The following CFAP299 variants were observed in gnomAD, a reference collection of about 807,000 sequenced individuals.
The protein encoded by CFAP299 is cilia and flagella associated protein 299.
CFAP299 carries 21 observed loss-of-function variants against 27.0 expected under a neutral mutation model. The observed-to-expected ratio is 0.78, with a 90% CI of 0.55 to 1.12. The LOEUF is 1.12. CFAP299 is among the 50% of genes most tolerant of loss of function. CFAP299 has a pLI of 0.00. For synonymous variants in CFAP299, 104 were observed against 98.1 expected (o/e 1.06, Z -0.36); for missense variants, 310 against 276.6 (o/e 1.12, Z -0.86).
chr4:80,762,444 G>A (rs761467431), intron 3 of CFAP299, among the ~76,000 whole-genome samples: 2 of 152,094 alleles, frequency 1.3e-5, no homozygotes, highest in Non-Finnish European at 2.9e-5. Flanking sequence ...AAATTGTAAA[G>A]TGGAACTAGA....
intron 3 of CFAP299, among the ~76,000 whole-genome samples, chr4:80,856,326 G>T (rs1006378896): frequency 2.0e-4 from 30 of 146,424 alleles, no homozygotes; most frequent in African/African-American, 7.8e-4. Flanking sequence ...TGAGTAGGTT[G>T]CGAAAATTTT....
chr4:80,524,319 G>A (rs1578552563), intron 2 of CFAP299, among the ~76,000 whole-genome samples: 1 of 151,930 alleles, frequency 6.6e-6, no homozygotes, highest in South Asian at 2.1e-4. Flanking sequence ...AAATTAAGGG[G>A]TTTATGTAAC....
At chr4:80,614,941 A>G (rs938629901) in intron 3 of CFAP299, among the ~76,000 whole-genome samples, 4 of 108,860 alleles carry the variant, frequency 3.7e-5, no homozygotes, top group African/African-American at 1.1e-4. Flanking sequence ...ATATTTAATT[A>G]TAGCTCCTGG....
intron 3 of CFAP299, among the ~76,000 whole-genome samples, chr4:80,717,347 G>A (rs1357201580): frequency 6.6e-6 from 1 of 152,052 alleles, no homozygotes; most frequent in Non-Finnish European, 1.5e-5. Flanking sequence ...TAAGAGAAGA[G>A]AACCAGAACG....
intron 2 of CFAP299, among the ~76,000 whole-genome samples, chr4:80,518,633 G>T (rs1268836633): frequency 6.6e-6 from 1 of 152,078 alleles, no homozygotes; most frequent in Non-Finnish European, 1.5e-5. Context: ...AATTACAGAA[G>T]AGTATGGAAA....
At chr4:80,508,342 T>C (rs971884215) in intron 2 of CFAP299, among the ~76,000 whole-genome samples, 1 of 152,170 alleles carries the variant, frequency 6.6e-6, no homozygotes, top group Non-Finnish European at 1.5e-5. Context: ...AGTTTTCTCT[T>C]TTTTTCCCGA....
chr4:80,472,171 CA>C (rs923647529), intron 2 of CFAP299, among the ~76,000 whole-genome samples: 5 of 152,192 alleles, frequency 3.3e-5, no homozygotes, highest in Non-Finnish European at 7.4e-5. Flanking sequence ...TGCTTTTATA[CA>C]GACTGAAGAT....
At chr4:80,480,673 A>G (rs996215950) in intron 2 of CFAP299, among the ~76,000 whole-genome samples, 1 of 152,020 alleles carries the variant, frequency 6.6e-6, no homozygotes, top group African/African-American at 2.4e-5. Flanking sequence ...TAATTTACTC[A>G]TAACAACTGG....
intron 5 of CFAP299, among the ~76,000 whole-genome samples, chr4:80,947,136 A>G (rs1463451819): frequency 6.6e-6 from 1 of 152,176 alleles, no homozygotes; most frequent in Non-Finnish European, 1.5e-5. Context: ...ATAGTCAACC[A>G]TGAGATTTCA....
At chr4:80,711,904 C>G (rs1177598880) in intron 3 of CFAP299, among the ~76,000 whole-genome samples, 1 of 152,154 alleles carries the variant, frequency 6.6e-6, no homozygotes, top group Admixed American at 6.6e-5. Context: ...TGATTCTGCT[C>G]TTTTACAACA....
At chr4:80,801,112 A>G (rs1262934250) in intron 3 of CFAP299, among the ~76,000 whole-genome samples, 1 of 151,520 alleles carries the variant, frequency 6.6e-6, no homozygotes, top group Non-Finnish European at 1.5e-5. Flanking sequence ...ACCCTCACAG[A>G]CACACCCAGA....
chr4:80,697,136 G>A (rs1459757594), intron 3 of CFAP299, among the ~76,000 whole-genome samples: 2 of 151,932 alleles, frequency 1.3e-5, no homozygotes, highest in African/African-American at 4.8e-5. Context: ...TTGAACCTAG[G>A]AGTACGAGAC....
chr4:80,788,961 A>C (rs1188054044), intron 3 of CFAP299, among the ~76,000 whole-genome samples: 1 of 152,068 alleles, frequency 6.6e-6, no homozygotes, highest in Non-Finnish European at 1.5e-5. Context: ...TAAACATCTA[A>C]TACTTTCTTC....
At chr4:80,731,229 A>G (rs1723502180) in intron 3 of CFAP299, among the ~76,000 whole-genome samples, 1 of 152,206 alleles carries the variant, frequency 6.6e-6, no homozygotes, top group Admixed American at 6.5e-5. Context: ...AAAATGCCAT[A>G]TCAACTCACA....
intron 2 of CFAP299, among the ~76,000 whole-genome samples, chr4:80,393,402 T>C (rs1295265765): frequency 1.3e-5 from 2 of 152,174 alleles, no homozygotes; most frequent in Non-Finnish European, 2.9e-5. Context: ...AAGCCTACAG[T>C]ACAGTAACGT....
At chr4:80,855,397 T>C (rs1298975125) in intron 3 of CFAP299, among the ~76,000 whole-genome samples, 2 of 151,880 alleles carry the variant, frequency 1.3e-5, no homozygotes, top group African/African-American at 4.8e-5. Flanking sequence ...ATTTTCTTTT[T>C]ATTTATTTAT....
At chr4:80,624,967 T>G (rs1367221071) in intron 3 of CFAP299, among the ~76,000 whole-genome samples, 1 of 152,050 alleles carries the variant, frequency 6.6e-6, no homozygotes, top group Admixed American at 6.6e-5. Flanking sequence ...ACCACCAGAC[T>G]TGTCTTACAA....
At chr4:80,621,544 G>A (rs937861864) in intron 3 of CFAP299, among the ~76,000 whole-genome samples, 6 of 152,090 alleles carry the variant, frequency 3.9e-5, no homozygotes, top group African/African-American at 1.4e-4. Flanking sequence ...GTTTGGAAGA[G>A]GGATATTGTA....
At chr4:80,638,977 G>A (rs1252781303) in intron 3 of CFAP299, among the ~76,000 whole-genome samples, 2 of 152,052 alleles carry the variant, frequency 1.3e-5, no homozygotes. Flanking sequence ...CCTTCTTCCT[G>A]TGCCCTAATG....
Sources: gnomAD v4.1 joint callset for allele counts (sites outside exome capture counted in the v4.1 genomes callset) on GRCh38, gnomAD v4.1.1 for gene constraint, MANE v1.5 for transcripts, NCBI Gene and HGNC (gene_info 2026-07-23, HGNC 2026-07-21) for gene names.